The following TMEM245 variants were observed in gnomAD, a reference collection of about 807,000 sequenced individuals.
TMEM245 encodes protein CG-2.
A neutral mutation model predicts 101.2 loss-of-function variants in TMEM245; 69 were observed. That is an observed-to-expected ratio of 0.68 (90% CI 0.56 to 0.83). The LOEUF is 0.83. TMEM245 is among the 40% of genes least tolerant of loss of function. TMEM245 has a pLI of 0.00. For synonymous variants in TMEM245, 537 were observed against 449.8 expected (o/e 1.19, Z -2.45); for missense variants, 1,075 against 1,092.8 (o/e 0.98, Z 0.23).
chr9:109,060,877 T>C (rs1828991127), intron 10 of TMEM245, among the ~76,000 whole-genome samples: 1 of 152,192 alleles, frequency 6.6e-6, no homozygotes, highest in East Asian at 1.9e-4. Flanking sequence ...ATGTTGGCTA[T>C]AAACACGAAT....
At chr9:109,082,811 G>T (rs768264430) in intron 7 of TMEM245, among the ~76,000 whole-genome samples, 5 of 151,846 alleles carry the variant, frequency 3.3e-5, no homozygotes, top group Non-Finnish European at 4.4e-5. Flanking sequence ...TTAGTTTTAA[G>T]TTAGGGTAAA....
chr9:109,093,429 T>C, intron 4 of TMEM245, 46 bp downstream of exon 4: 1 of 1,523,420 alleles, frequency 6.6e-7, no homozygotes, highest in Admixed American at 1.8e-5. Flanking sequence ...TCTATGTACA[T>C]TTCATTTTCC....
chr9:109,119,562 G>T lies in TMEM245; in HGVS notation c.352C>A (p.Pro118Thr). Reference protein sequence around the residue: ...WLQRLHRAHTPIVLAALLLPL... With the variant: ...WLQRLHRAHTTIVLAALLLPL... ...AGGAGCAGCGCGGCCAGGACGATGG[G>T]CGTGTGCGCGCGGTGCAGGCGCTGC... is the stretch of plus-strand genomic sequence containing the variant. The change falls in exon 1 of 18, where the codon CCC (proline) becomes ACC (threonine). Residue 118 changes from proline (P) to threonine (T), a missense_variant. Coordinates refer to ENST00000374586, the MANE Select transcript of TMEM245 (RefSeq NM_032012.4). 1 of 1,538,702 alleles carries T rather than the reference G, an allele frequency of 6.5e-7. No individual in the cohort carries two copies.
intron 9 of TMEM245, among the ~76,000 whole-genome samples, chr9:109,068,304 A>G (rs1157191361): frequency 6.6e-6 from 1 of 150,382 alleles, no homozygotes; most frequent in Non-Finnish European, 1.5e-5. Flanking sequence ...TGGGAGACGG[A>G]GCTTGCATTG....
At chr9:109,091,261 T>G (rs1318101390) in intron 4 of TMEM245, 106 bp from the exon 5 acceptor site, 2 of 933,446 alleles carry the variant, frequency 2.1e-6, no homozygotes, top group African/African-American at 3.3e-5. Flanking sequence ...CAAAATGTGC[T>G]GATATGGTAT....
At chr9:109,115,907 GT>G (rs1303816880) in intron 1 of TMEM245, among the ~76,000 whole-genome samples, 1 of 152,154 alleles carries the variant, frequency 6.6e-6, no homozygotes, top group Non-Finnish European at 1.5e-5. Context: ...TTACTACAGA[GT>G]TTTGATAACA....
chr9:109,093,554 A>G lies in TMEM245; in HGVS notation c.837T>C (p.Ala279=). The change falls in exon 4 of 18, where the codon GCT becomes GCC. Residue 279 remains alanine, a synonymous_variant. Coordinates refer to ENST00000374586, the MANE Select transcript of TMEM245 (RefSeq NM_032012.4). Reference sequence around the variant, plus strand: ...AGATGGCCAAGTTTGCCAGAGTAGAAGCTGCCATGGAGATAACCTGCCCTG... The same window carrying G: ...AGATGGCCAAGTTTGCCAGAGTAGAGGCTGCCATGGAGATAACCTGCCCTG... ...ELPGQVISMA[A]STLANLAISI... 1.2e-6 allele frequency: 2 copies of G among 1,614,158 alleles called. No individual in the cohort carries two copies. Among genetic ancestry groups the G allele is most frequent in the Non-Finnish European group, 1.7e-6 (2 of 1,180,012 alleles).
At chr9:109,050,196 G>A in intron 14 of TMEM245, 87 bp downstream of exon 14, 1 of 1,483,866 alleles carries the variant, frequency 6.7e-7, no homozygotes. Flanking sequence ...AGCACTGAAT[G>A]TTATCAGGAT....
At chr9:109,097,833 A>G (rs1292495327) in intron 3 of TMEM245, among the ~76,000 whole-genome samples, 1 of 152,176 alleles carries the variant, frequency 6.6e-6, no homozygotes, top group African/African-American at 2.4e-5. Flanking sequence ...AGGCAGAAGA[A>G]TCACTTGAAC....
intron 7 of TMEM245, among the ~76,000 whole-genome samples, chr9:109,082,992 G>A (rs1238171724): frequency 6.6e-6 from 1 of 152,010 alleles, no homozygotes; most frequent in Non-Finnish European, 1.5e-5. Context: ...GTCACATGTG[G>A]CCAGTTAAGT....
At chr9:109,060,694 C>G (rs532461712) in intron 10 of TMEM245, among the ~76,000 whole-genome samples, 1 of 152,166 alleles carries the variant, frequency 6.6e-6, no homozygotes. Context: ...AGCTACCTCA[C>G]GCTATCAGAG....
At chr9:109,051,809 A>C (rs896313462) in intron 12 of TMEM245, among the ~76,000 whole-genome samples, 2 of 152,182 alleles carry the variant, frequency 1.3e-5, no homozygotes, top group Non-Finnish European at 2.9e-5. Context: ...TATTTGCTTT[A>C]CTGGCTGCCT....
In TMEM245 at chr9:109,036,293, C is replaced by T; in HGVS notation, c.2312G>A (p.Gly771Glu). Residue 771 changes from glycine to glutamate, a missense_variant, in exon 16 of 18, where the codon GGG becomes GAG. Coordinates refer to ENST00000374586, the MANE Select transcript of TMEM245 (RefSeq NM_032012.4). ...PAVLDLWLTQ[G>E]LGCKAILLLI... ...CAGTAAAATGGCCTTGCATCCTAACCCTTGTGTCAGCCACAGGTCAAGAAC... is the reference window on the plus strand; with the variant it reads ...CAGTAAAATGGCCTTGCATCCTAACTCTTGTGTCAGCCACAGGTCAAGAAC... The T allele has an allele frequency of 6.2e-7, 1 of 1,613,940 alleles. No individual in the cohort carries two copies. The highest frequency in any genetic ancestry group is 8.5e-7 in the Non-Finnish European group (1 of 1,179,972).
At chr9:109,072,628 C>A (rs1391101727) in intron 9 of TMEM245, among the ~76,000 whole-genome samples, 1 of 152,152 alleles carries the variant, frequency 6.6e-6, no homozygotes, top group Non-Finnish European at 1.5e-5. Flanking sequence ...GGCTGGTCCC[C>A]AACACAAAAG....
chr9:109,061,206 C>T (rs1829001366), intron 10 of TMEM245, among the ~76,000 whole-genome samples: 1 of 152,134 alleles, frequency 6.6e-6, no homozygotes, highest in Non-Finnish European at 1.5e-5. Context: ...GTCCCAGCTA[C>T]TCAGGAGACT....
intron 17 of TMEM245, among the ~76,000 whole-genome samples, chr9:109,026,973 T>G (rs950196150): frequency 6.6e-6 from 1 of 152,112 alleles, no homozygotes; most frequent in Non-Finnish European, 1.5e-5. Flanking sequence ...AGTATACTTC[T>G]TGTAGAGTCT....
chr9:109,117,683 T>TC (rs1830762191), intron 1 of TMEM245, among the ~76,000 whole-genome samples: 1 of 152,362 alleles, frequency 6.6e-6, no homozygotes, highest in East Asian at 1.9e-4. Flanking sequence ...ACTTAGGTAT[T>TC]CAACTTCTTA....
At chr9:109,021,504 TTTG>T (rs767618918) in intron 17 of TMEM245, among the ~76,000 whole-genome samples, 1 of 109,342 alleles carries the variant, frequency 9.1e-6, no homozygotes, top group African/African-American at 3.9e-5. Context: ...TTTTTGTTTG[TTTG>T]TTTGTTTTGT....
intron 9 of TMEM245, among the ~76,000 whole-genome samples, chr9:109,072,995 T>C (rs1323815034): frequency 6.6e-6 from 1 of 152,242 alleles, no homozygotes; most frequent in Non-Finnish European, 1.5e-5. Flanking sequence ...TTCCTTAACC[T>C]TTGATCTTGT....
Sources: allele counts gnomAD v4.1 joint callset (sites outside exome capture counted in the v4.1 genomes callset), GRCh38; gene constraint gnomAD v4.1.1; transcripts MANE v1.5; gene names NCBI Gene and HGNC (gene_info 2026-07-23, HGNC 2026-07-21).